Variants in SLC25A5 observed in about 807,000 individuals in gnomAD.
SLC25A5 encodes the protein solute carrier family 25 member 5.
SLC25A5 carries 4 observed loss-of-function variants against 16.5 expected under a neutral mutation model. The ratio of observed to expected loss-of-function variants is 0.24; its 90% confidence interval spans 0.12 to 0.56. The LOEUF (loss-of-function observed/expected upper bound fraction) is 0.56, where lower values mean the gene tolerates loss of function less well. Ranked by LOEUF, SLC25A5 falls within the 20% of genes least tolerant of loss-of-function variation. SLC25A5 has a pLI of 0.93. For missense variants in SLC25A5, 88 were observed against 248.0 expected (o/e 0.35, Z 4.33); for synonymous variants, 60 against 95.2 (o/e 0.63, Z 2.15).
At chrX:119,468,781 T>A in intron 1 of SLC25A5, 155 bp downstream of exon 1, 1 of 479,276 alleles carries the variant, frequency 2.1e-6, no homozygotes, top group Non-Finnish European at 3.6e-6. Context: ...AGAACAGAAG[T>A]CAAACTGGTG....
chrX:119,468,962 A>G (rs182868412), intron 1 of SLC25A5: 32 of 237,747 alleles, frequency 1.3e-4, no homozygotes, highest in African/African-American at 8.3e-4. Flanking sequence ...GGCGTTAGAA[A>G]GAGGAACGCC....
At position 119,470,042 on chromosome X, in the gene SLC25A5, T is replaced by C. The variant is rs1163629066; in HGVS notation, c.493T>C (p.Tyr165His). 5.0e-6 allele frequency: 6 copies of C among 1,211,290 alleles called. No individual in the cohort carries two copies. In the African/African-American group the frequency reaches 1.0e-4, roughly 21 times the overall value. The change falls in exon 2 of 4, where the codon TAC (tyrosine) becomes CAC (histidine). Residue 165 changes from tyrosine (Y) to histidine (H), a missense_variant. Physicochemically the swap from Tyr to His is moderately conservative, Grantham distance 83 (BLOSUM62 2). Coordinates refer to ENST00000317881, the MANE Select transcript of SLC25A5 (RefSeq NM_001152.5). ...RGLGDCLVKI[Y>H]KSDGIKGLYQ... ...CCTCGGTGACTGCCTGGTTAAGATC[T>C]ACAAATCTGATGGGATTAAGGGCCT...
In SLC25A5 at chrX:119,470,047, A is replaced by C; in HGVS notation, c.498A>C (p.Lys166Asn). 8.3e-7 allele frequency: 1 copy of C among 1,212,086 alleles called. No individual in the cohort carries two copies. The highest frequency in any genetic ancestry group is 1.1e-6 in the Non-Finnish European group (1 of 895,407). ...GLGDCLVKIYKSDGIKGLYQG... is the reference protein window; with the variant it reads ...GLGDCLVKIYNSDGIKGLYQG... ...GTGACTGCCTGGTTAAGATCTACAAATCTGATGGGATTAAGGGCCTGTACC... is the reference window on the plus strand; with the variant it reads ...GTGACTGCCTGGTTAAGATCTACAACTCTGATGGGATTAAGGGCCTGTACC... Residue 166 changes from lysine to asparagine, a missense_variant, in exon 2 of 4, where the codon AAA (lysine) becomes AAC (asparagine). Physicochemically the swap from Lys to Asn is moderately conservative, Grantham distance 94 (BLOSUM62 0). Transcript: ENST00000317881.
chrX:119,468,454 C>T lies in SLC25A5; in HGVS notation c.-62C>T, dbSNP rs1290356073. The T allele has an allele frequency of 9.9e-7, 1 of 1,005,342 alleles. No homozygotes were observed. Among genetic ancestry groups the T allele is most frequent in the East Asian group, 3.1e-5 (1 of 32,152 alleles). The allele number at this position is 1,005,342 out of a possible 1,213,427, so 82.9% of individuals were successfully genotyped here. A position where few individuals can be genotyped will look rare whatever the true frequency, so the allele number is the denominator to read the frequency against. On this transcript the variant is annotated 5_prime_UTR_variant, in exon 1 of 4. Coordinates refer to ENST00000317881, the MANE Select transcript of SLC25A5 (RefSeq NM_001152.5). ...ATTTGCTTCGCTCCGCCCCGCAGCGCCGGAGTCAAAGCCGGTTCCCGGCCC... is the reference window on the plus strand; with the variant it reads ...ATTTGCTTCGCTCCGCCCCGCAGCGTCGGAGTCAAAGCCGGTTCCCGGCCC...
chrX:119,469,122 T>C (rs1160669627), intron 1 of SLC25A5: 2 of 113,170 alleles, frequency 1.8e-5, no homozygotes, highest in Non-Finnish European at 3.7e-5. Flanking sequence ...GCCTTTTACG[T>C]CCGCCCCCGC....
Position 119,469,696 on chromosome X carries a change from G to A in SLC25A5, c.147G>A (p.Lys49=). 1 of 1,207,868 alleles carries A rather than the reference G, an allele frequency of 8.3e-7. No individual in the cohort carries two copies. The highest frequency in any genetic ancestry group is 1.7e-5 in the African/African-American group (1 of 58,014). ...CCAGCAAGCAGATCACTGCAGATAAGCAATACAAAGGCATTATAGACTGCG... is the reference window on the plus strand; with the variant it reads ...CCAGCAAGCAGATCACTGCAGATAAACAATACAAAGGCATTATAGACTGCG... ...QHASKQITAD[K]QYKGIIDCVV... is the part of the protein sequence containing the mutation. The change falls in exon 2 of 4, where the codon AAG becomes AAA. Residue 49 remains lysine, a synonymous_variant. Coordinates refer to ENST00000317881, the MANE Select transcript of SLC25A5 (RefSeq NM_001152.5).
In SLC25A5 at chrX:119,469,909, T is replaced by A. The variant is rs756320158; in HGVS notation, c.360T>A (p.Gly120=). The change falls in exon 2 of 4, where the codon GGT becomes GGA. Residue 120 remains glycine, a synonymous_variant. Transcript: ENST00000317881. ...ACTTTGCAGGGAATCTGGCATCGGG[T>A]GGTGCCGCAGGGGCCACATCCCTGT... The part of the protein sequence containing the change: ...WLYFAGNLAS[G]GAAGATSLCF... 9.3e-7 allele frequency: 1 copy of A among 1,077,430 alleles called. No homozygotes were observed. The highest frequency in any genetic ancestry group is 1.2e-6 in the Non-Finnish European group (1 of 823,637). 88.8% of individuals were successfully genotyped at this position (1,077,430 alleles called of 1,213,427 possible).
At position 119,470,251 on chromosome X, in the gene SLC25A5, C is replaced by G; in HGVS notation, c.598+104C>G. 5 of 1,118,256 alleles carry G rather than the reference C, an allele frequency of 4.5e-6. 1 individual carries two copies. Among genetic ancestry groups the G allele is most frequent in the Middle Eastern group, 5.0e-4 (2 of 3,970 alleles). 92.2% of individuals were successfully genotyped at this position (1,118,256 alleles called of 1,213,427 possible). ...AGCTAAAGAGTTGTTTTTTTAATTGCTAAAGGAAGCCAAGATCATCCAATG... is the reference window on the plus strand; with the variant it reads ...AGCTAAAGAGTTGTTTTTTTAATTGGTAAAGGAAGCCAAGATCATCCAATG... On this transcript the variant is annotated intron_variant, in intron 2 of 3. Coordinates refer to ENST00000317881, the MANE Select transcript of SLC25A5 (RefSeq NM_001152.5).
Position 119,470,910 on chromosome X carries a change from T to C in SLC25A5, c.749T>C (p.Met250Thr). 8.3e-7 allele frequency: 1 copy of C among 1,209,846 alleles called. No homozygotes were observed. The highest frequency in any genetic ancestry group is 1.1e-6 in the Non-Finnish European group (1 of 894,650). The change falls in exon 4 of 4, where the codon ATG (methionine) becomes ACG (threonine). Residue 250 changes from methionine to threonine, a missense_variant. Transcript: ENST00000317881. ...MQSGRKGTDI[M>T]YTGTLDCWRK... The stretch of plus-strand genomic sequence containing the variant: ...TCTTTATTCTTTGCAGCTGACATCA[T>C]GTACACAGGCACGCTTGACTGCTGG...
At chrX:119,469,261 G>A (rs1178844417) in intron 1 of SLC25A5, 1 of 120,991 alleles carries the variant, frequency 8.3e-6, no homozygotes, top group East Asian at 2.6e-4. Context: ...GTCACCTCTG[G>A]GAGCGGAGTG....
chrX:119,469,813 C>T lies in SLC25A5; in HGVS notation c.264C>T (p.Asn88=), dbSNP rs772911570. Reference sequence around the variant, plus strand: ...GATACTTCCCCACCCAGGCTCTTAACTTCGCCTTCAAAGATAAATACAAGC... The same window carrying T: ...GATACTTCCCCACCCAGGCTCTTAATTTCGCCTTCAAAGATAAATACAAGC... ...VIRYFPTQAL[N]FAFKDKYKQI... The change falls in exon 2 of 4, where the codon AAC becomes AAT. Residue 88 remains asparagine (N), a synonymous_variant. Transcript: ENST00000317881. The T allele has an allele frequency of 2.5e-6, 3 of 1,212,960 alleles. No individual in the cohort carries two copies. Among genetic ancestry groups the T allele is most frequent in the African/African-American group, 1.7e-5 (1 of 58,243 alleles).
chrX:119,470,614 A>G, intron 3 of SLC25A5, 101 bp downstream of exon 3: 1 of 1,001,740 alleles, frequency 1.0e-6, no homozygotes, highest in South Asian at 2.2e-5. Flanking sequence ...GTCCAAGTCA[A>G]GGGATGGGGT....
chrX:119,470,168 A>C (rs759588324), intron 2 of SLC25A5, 21 bp downstream of exon 2: 17 of 1,172,371 alleles, frequency 1.5e-5, no homozygotes, highest in Non-Finnish European at 1.9e-5. Flanking sequence ...TGTGGGCTTT[A>C]ACGTTGTGTT....
chrX:119,468,728 C>A, intron 1 of SLC25A5, 102 bp downstream of exon 1: 1 of 699,526 alleles, frequency 1.4e-6, no homozygotes. Flanking sequence ...AAAGACATGG[C>A]CAGGGAAGCG....
chrX:119,469,577 G>T, intron 1 of SLC25A5, 84 bp from the exon 2 acceptor site: 1 of 1,053,731 alleles, frequency 9.5e-7, no homozygotes, highest in Non-Finnish European at 1.3e-6. Flanking sequence ...ACCTTAAAGG[G>T]CATTGATCGA....
chrX:119,470,298 G>A (rs201784719), intron 2 of SLC25A5, 75 bp from the exon 3 acceptor site: 23 of 1,148,096 alleles, frequency 2.0e-5, no homozygotes, highest in Non-Finnish European at 2.7e-5. Context: ...TACAGATGAC[G>A]TGTTTAGGGG....
rs778572307 is a variant in SLC25A5 at position 119,470,405 on chromosome X, G to A, written c.631G>A (p.Val211Ile). Residue 211 changes from valine to isoleucine, a missense_variant, in exon 3 of 4, where the codon GTC (valine) becomes ATC (isoleucine). By Grantham distance (29) the Val-to-Ile change is conservative. Transcript: ENST00000317881. ...TCCGGATCCCAAGAACACTCACATC[G>A]TCATCAGCTGGATGATCGCACAGAC... The part of the protein sequence containing the change: ...MLPDPKNTHI[V>I]ISWMIAQTVT... 106 of 1,212,159 alleles carry A rather than the reference G, an allele frequency of 8.7e-5. No homozygotes were observed. In the Admixed American group the frequency reaches 2.2e-3, roughly 26 times the overall value.
At chrX:119,468,844 G>C (rs911479328) in intron 1 of SLC25A5, 2 of 421,272 alleles carry the variant, frequency 4.7e-6, no homozygotes, top group Non-Finnish European at 4.2e-6. Context: ...GCCGGGGGCA[G>C]AGGGCAGGAC....
Position 119,468,467 on chromosome X carries a change from C to A in SLC25A5, c.-49C>A. ...CGCCCCGCAGCGCCGGAGTCAAAGCCGGTTCCCGGCCCAGTCCCGTCCTGC... is the reference window on the plus strand; with the variant it reads ...CGCCCCGCAGCGCCGGAGTCAAAGCAGGTTCCCGGCCCAGTCCCGTCCTGC... On this transcript the variant is annotated 5_prime_UTR_variant, in exon 1 of 4. Transcript: ENST00000317881. The A allele has an allele frequency of 9.1e-7, 1 of 1,097,019 alleles. No individual in the cohort carries two copies. The highest frequency in any genetic ancestry group is 1.3e-6 in the Non-Finnish European group (1 of 798,135). The allele number at this position is 1,097,019 out of a possible 1,213,427, so 90.4% of individuals were successfully genotyped here.
Sources: allele counts gnomAD v4.1 joint callset, GRCh38; gene constraint gnomAD v4.1.1; transcripts MANE v1.5; gene names NCBI Gene and HGNC (gene_info 2026-07-23, HGNC 2026-07-21).